The following PRKN variants were observed in gnomAD, a reference collection of about 807,000 sequenced individuals.
PRKN encodes the protein E3 ubiquitin-protein ligase parkin.
PRKN carries 56 observed loss-of-function variants against 59.5 expected under a neutral mutation model. The observed-to-expected ratio is 0.94, with a 90% CI of 0.76 to 1.18. The LOEUF (loss-of-function observed/expected upper bound fraction) is 1.18, where lower values mean the gene tolerates loss of function less well. Ranked by LOEUF, PRKN falls within the 50% of genes most tolerant of loss-of-function variation. The probability of loss-of-function intolerance (pLI) is 0.00; values close to 1 mark genes in which losing one functional copy is unlikely to be tolerated. For synonymous variants in PRKN, 250 were observed against 222.1 expected, an observed-to-expected ratio of 1.13 and a Z score of -1.12; for missense variants, 657 against 596.4, an observed-to-expected ratio of 1.10 and a Z score of -1.06.
intron 1 of PRKN, among the ~76,000 whole-genome samples, chr6:162,461,967 G>T (rs1175404627): frequency 3.3e-5 from 5 of 152,124 alleles, no homozygotes; most frequent in Non-Finnish European, 7.3e-5. Flanking sequence ...TATTGCTACA[G>T]GTTAAAGACA....
intron 6 of PRKN, among the ~76,000 whole-genome samples, chr6:161,876,841 C>T (rs182879794): frequency 1.2e-4 from 18 of 151,732 alleles, no homozygotes; most frequent in Non-Finnish European, 2.5e-4. Context: ...GATAAAGATC[C>T]CTCCCTCCTT....
intron 5 of PRKN, among the ~76,000 whole-genome samples, chr6:161,999,220 G>A (rs563559095): frequency 6.6e-6 from 1 of 152,162 alleles, no homozygotes; most frequent in South Asian, 2.1e-4. Context: ...CAAAATCAGT[G>A]TCAACTGCTT....
intron 2 of PRKN, among the ~76,000 whole-genome samples, chr6:162,283,153 T>G (rs1232465612): frequency 6.6e-6 from 1 of 152,202 alleles, no homozygotes; most frequent in Admixed American, 6.5e-5. Context: ...TGTTTTACCC[T>G]TTCTGGCTAC....
chr6:161,972,491 G>A (rs1201682966), intron 6 of PRKN, among the ~76,000 whole-genome samples: 3 of 152,056 alleles, frequency 2.0e-5, no homozygotes, highest in African/African-American at 4.8e-5. Flanking sequence ...CTCCTACACC[G>A]CAATTCGTAT....
chr6:162,670,214 A>G (rs1282500663), intron 1 of PRKN, among the ~76,000 whole-genome samples: 1 of 152,248 alleles, frequency 6.6e-6, no homozygotes, highest in East Asian at 1.9e-4. Context: ...GAAAACATTT[A>G]TAACAGCAAC....
At chr6:162,346,930 G>C (rs1258296481) in intron 2 of PRKN, among the ~76,000 whole-genome samples, 3 of 151,508 alleles carry the variant, frequency 2.0e-5, no homozygotes, top group Non-Finnish European at 4.4e-5. Context: ...TGCTTTCCTA[G>C]TATTTGTAGT....
intron 1 of PRKN, among the ~76,000 whole-genome samples, chr6:162,665,018 C>T (rs544319398): frequency 6.2e-4 from 94 of 152,116 alleles, no homozygotes; most frequent in African/African-American, 1.8e-3. Context: ...AACTAGATAT[C>T]GATGGAACAT....
chr6:162,117,936 A>C (rs2128304655), intron 4 of PRKN, among the ~76,000 whole-genome samples: 1 of 152,154 alleles, frequency 6.6e-6, no homozygotes, highest in Admixed American at 6.5e-5. Context: ...GTCTCTACTA[A>C]AAATACAAAA....
intron 1 of PRKN, among the ~76,000 whole-genome samples, chr6:162,690,314 G>C (rs1777728874): frequency 6.6e-6 from 1 of 152,152 alleles, no homozygotes; most frequent in South Asian, 2.1e-4. Flanking sequence ...GGCACAGAAT[G>C]AGAAAGCAAT....
Position 161,367,014 on chromosome 6 carries a change from A to G in PRKN, c.1168-6809T>C, listed in dbSNP as rs1785232004. Among the ~76,000 whole-genome samples, 4 of 109,496 alleles carry G rather than the reference A, an allele frequency of 3.7e-5. 1 individual carries two copies. Among genetic ancestry groups the G allele is most frequent in the Middle Eastern group, 0.017 (2 of 118 alleles). The allele number at this position is 109,496 out of a possible 152,430, so 71.8% of individuals were successfully genotyped here. A position where few individuals can be genotyped will look rare whatever the true frequency, so the allele number is the denominator to read the frequency against. ...TTTTTTTTTTTTTTTTTTTTGAGAC[A>G]GAGTGTGGCTCTGTCGCCCAGGCTG... On this transcript the variant is annotated intron_variant, in intron 10 of 11. Coordinates refer to ENST00000366898, the MANE Select transcript of PRKN (RefSeq NM_004562.3).
intron 2 of PRKN, among the ~76,000 whole-genome samples, chr6:162,354,500 T>C (rs1357017540): frequency 6.6e-6 from 1 of 152,054 alleles, no homozygotes; most frequent in Non-Finnish European, 1.5e-5. Context: ...AAAATGTACT[T>C]TTTAAAGTAT....
At chr6:161,920,287 G>A (rs933264650) in intron 6 of PRKN, among the ~76,000 whole-genome samples, 5 of 152,078 alleles carry the variant, frequency 3.3e-5, no homozygotes, top group African/African-American at 1.2e-4. Flanking sequence ...GGGAGGCTGA[G>A]GCATGAGACG....
At chr6:162,320,944 T>A (rs562619490) in intron 2 of PRKN, among the ~76,000 whole-genome samples, 1 of 151,806 alleles carries the variant, frequency 6.6e-6, no homozygotes, top group Non-Finnish European at 1.5e-5. Flanking sequence ...TTTCCAATTG[T>A]CTTCACATTC....
In PRKN at chr6:161,771,397, T is replaced by G. The variant is rs375800660; in HGVS notation, c.871+14375A>C. Among the ~76,000 whole-genome samples, 808 of 119,842 alleles carry G rather than the reference T, an allele frequency of 6.7e-3. 13 individuals are homozygous for G. Among genetic ancestry groups the G allele is most frequent in the African/African-American group, 0.02 (631 of 32,332 alleles). 78.6% of individuals were successfully genotyped at this position (119,842 alleles called of 152,430 possible). A position where few individuals can be genotyped will look rare whatever the true frequency, so the allele number is the denominator to read the frequency against. On this transcript the variant is annotated intron_variant, in intron 7 of 11. Transcript: ENST00000366898. Reference sequence around the variant, plus strand: ...TAAAATAAAATAAAATAAAATAAAATAAAAGCACTGCTGTGCTTGAGCCAC... The same window carrying G: ...TAAAATAAAATAAAATAAAATAAAAGAAAAGCACTGCTGTGCTTGAGCCAC...
intron 5 of PRKN, among the ~76,000 whole-genome samples, chr6:162,040,624 T>C (rs1193069255): frequency 6.7e-6 from 1 of 149,674 alleles, no homozygotes; most frequent in Non-Finnish European, 1.5e-5. Flanking sequence ...TTTCACCATG[T>C]TGGCCAGGCT....
At chr6:161,559,153 G>C (rs957404425) in intron 8 of PRKN, among the ~76,000 whole-genome samples, 1 of 150,746 alleles carries the variant, frequency 6.6e-6, no homozygotes, top group Non-Finnish European at 1.5e-5. Flanking sequence ...GATATTTCAG[G>C]TGACCCAATG....
intron 6 of PRKN, among the ~76,000 whole-genome samples, chr6:161,928,836 G>A (rs752134976): frequency 1.2e-4 from 18 of 152,108 alleles, no homozygotes; most frequent in Admixed American, 2.6e-4. Context: ...CTGCCCCTAA[G>A]CCTTTGGAGT....
intron 4 of PRKN, among the ~76,000 whole-genome samples, chr6:162,171,933 T>C (rs1783298714): frequency 6.6e-6 from 1 of 152,192 alleles, no homozygotes; most frequent in African/African-American, 2.4e-5. Context: ...ATGCTGATGA[T>C]AGCCTGCCAC....
rs141791569 is a variant in PRKN, at chr6:161,547,722, A to G, written c.1083+1132T>C. 3.2e-4 allele frequency among the ~76,000 whole-genome samples: 49 copies of G among 152,366 alleles called. No homozygotes were observed. Among genetic ancestry groups the G allele is most frequent in the African/African-American group, 1.1e-3 (46 of 41,588 alleles). On this transcript the variant is annotated intron_variant, in intron 9 of 11. Transcript: ENST00000366898. This position sits in a 1 kb window ranked among gnomAD's most constrained non-coding sequence, Gnocchi z 4.0. Reference sequence around the variant, plus strand: ...ACAATCATTGCAGATAATTCAGCACATGATAATGACTAAGGCTGGAGAGTG... The same window carrying G: ...ACAATCATTGCAGATAATTCAGCACGTGATAATGACTAAGGCTGGAGAGTG...
Sources: gnomAD v4.1 joint callset for allele counts (sites outside exome capture counted in the v4.1 genomes callset) on GRCh38, gnomAD v4.1.1 for gene constraint, Gnocchi (gnomAD v3.1) non-coding constraint, MANE v1.5 for transcripts, NCBI Gene and HGNC (gene_info 2026-07-23, HGNC 2026-07-21) for gene names.